The following EEIG1 variants were observed in gnomAD, a reference collection of about 807,000 sequenced individuals.
EEIG1 encodes the protein estrogen-induced osteoclastogenesis regulator 1.
At chr9:127,948,514 G>C in the EEIG1 span, 1 of 1,133,750 alleles carries the variant, frequency 8.8e-7, no homozygotes, top group East Asian at 2.4e-5. Flanking sequence ...GAAGGGCTTG[G>C]ATTCCAATCC....
the EEIG1 span, among the ~76,000 whole-genome samples, chr9:127,978,248 C>G: frequency 6.6e-6 from 1 of 152,218 alleles, no homozygotes; most frequent in South Asian, 2.1e-4. Context: ...CTCCTCCCAG[C>G]AGAGTGTTTG....
At chr9:127,952,410 G>C in the EEIG1 span, among the ~76,000 whole-genome samples, 4 of 152,242 alleles carry the variant, frequency 2.6e-5, no homozygotes, top group Non-Finnish European at 4.4e-5. Context: ...AGCTGAGGAG[G>C]GGAGGCCAAG....
At chr9:127,953,424 C>A in the EEIG1 span, 8 of 689,028 alleles carry the variant, frequency 1.2e-5, no homozygotes, top group African/African-American at 1.8e-5. Context: ...GTGCAAAGAC[C>A]ATCAATAAAG....
At chr9:127,950,968 T>C in the EEIG1 span, among the ~76,000 whole-genome samples, 9 of 150,338 alleles carry the variant, frequency 6.0e-5, no homozygotes, top group African/African-American at 2.2e-4. Flanking sequence ...CCCACAGGGG[T>C]TGGGAGGGGA....
the EEIG1 span, chr9:127,948,158 C>T: frequency 1.2e-6 from 2 of 1,613,926 alleles, no homozygotes; most frequent in Admixed American, 1.7e-5. Context: ...GTCCCACCAC[C>T]CTTACACGTC....
chr9:127,966,221 G>A, the EEIG1 span, among the ~76,000 whole-genome samples: 1 of 152,162 alleles, frequency 6.6e-6, no homozygotes, highest in Non-Finnish European at 1.5e-5. Flanking sequence ...AAAGCGTCAG[G>A]GTTAGGTGAA....
chr9:127,945,559 T>C, the EEIG1 span: 2 of 1,564,616 alleles, frequency 1.3e-6, no homozygotes, highest in East Asian at 4.8e-5. The surrounding 1 kb of genome is among the most constrained non-coding windows in gnomAD (Gnocchi z 6.5). Context: ...CTCTGTGCTG[T>C]AGCCTGTCAG....
chr9:127,946,651 C>G, the EEIG1 span, among the ~76,000 whole-genome samples: 1 of 152,246 alleles, frequency 6.6e-6, no homozygotes, highest in Non-Finnish European at 1.5e-5. Context: ...AGACACATCT[C>G]TCTTCTGGGG....
At chr9:127,942,436 G>A in the EEIG1 span, 1 of 152,648 alleles carries the variant, frequency 6.6e-6, no homozygotes, top group South Asian at 2.1e-4. Flanking sequence ...CAGTGACCAG[G>A]AGTCCTTGGG....
the EEIG1 span, among the ~76,000 whole-genome samples, chr9:127,946,974 G>A: frequency 6.6e-6 from 1 of 151,990 alleles, no homozygotes; most frequent in Non-Finnish European, 1.5e-5. Context: ...GGGTTGAGGG[G>A]GCCCAGCAAA....
the EEIG1 span, among the ~76,000 whole-genome samples, chr9:127,952,595 C>G: frequency 6.6e-6 from 1 of 152,248 alleles, no homozygotes. Flanking sequence ...CTGGCTGAGT[C>G]AACCATCGCC....
chr9:127,962,248 T>C, the EEIG1 span, among the ~76,000 whole-genome samples: 1 of 152,198 alleles, frequency 6.6e-6, no homozygotes, highest in Non-Finnish European at 1.5e-5. Flanking sequence ...GATGCCCACA[T>C]CAAATTGCAA....
At chr9:127,943,760 C>T in the EEIG1 span, 1 of 158,548 alleles carries the variant, frequency 6.3e-6, no homozygotes, top group African/African-American at 2.4e-5. Flanking sequence ...TTTACAAACC[C>T]ATAAGGAAGC....
At chr9:127,944,833 G>A in the EEIG1 span, 3 of 1,612,166 alleles carry the variant, frequency 1.9e-6, no homozygotes, top group Non-Finnish European at 2.5e-6. Context: ...CTCCACGATG[G>A]CATCCGCATC....
chr9:127,971,797 G>A, the EEIG1 span, among the ~76,000 whole-genome samples: 3 of 152,196 alleles, frequency 2.0e-5, no homozygotes, highest in Non-Finnish European at 2.9e-5. Flanking sequence ...AGTGTACAAG[G>A]CCAAAAGAGG....
chr9:127,953,991 C>A, the EEIG1 span: 1 of 1,594,932 alleles, frequency 6.3e-7, no homozygotes, highest in Non-Finnish European at 8.5e-7. Context: ...CCATGTGGTA[C>A]CAGGGACATG....
chr9:127,955,110 A>T, the EEIG1 span, among the ~76,000 whole-genome samples: 1 of 152,190 alleles, frequency 6.6e-6, no homozygotes, highest in Non-Finnish European at 1.5e-5. Flanking sequence ...GAGAGACGTT[A>T]TCTCCAGCTC....
the EEIG1 span, among the ~76,000 whole-genome samples, chr9:127,974,722 T>C: frequency 1.3e-5 from 2 of 152,208 alleles, no homozygotes; most frequent in Non-Finnish European, 2.9e-5. Flanking sequence ...GCTTTCACGA[T>C]GCCCACCAAG....
At chr9:127,950,336 C>T in the EEIG1 span, 7 of 1,388,880 alleles carry the variant, frequency 5.0e-6, no homozygotes, top group Non-Finnish European at 7.1e-6. Context: ...GTATTTTTAA[C>T]AACCCTCCTC....
Sources: allele counts gnomAD v4.1 joint callset (sites outside exome capture counted in the v4.1 genomes callset), GRCh38; gene constraint gnomAD v4.1.1; non-coding constraint Gnocchi (gnomAD v3.1); transcripts MANE v1.5; gene names NCBI Gene and HGNC (gene_info 2026-07-23, HGNC 2026-07-21).